TIAL1: variants seen among roughly 807,000 people sequenced by gnomAD.
TIAL1 encodes nucleolysin TIAR.
Under a neutral mutation model 59.7 loss-of-function variants are expected in TIAL1, and 7 were observed. The ratio of observed to expected loss-of-function variants is 0.12; its 90% CI spans 0.07 to 0.22. The LOEUF is 0.22. Among genes scored for constraint, TIAL1 ranks in the 10% least tolerant of loss-of-function variants. The pLI, the probability that TIAL1 is intolerant of heterozygous loss-of-function variation, is 1.00. For missense variants in TIAL1, 225 were observed against 462.5 expected (o/e 0.49, Z 4.71); for synonymous variants, 149 against 146.3 (o/e 1.02, Z -0.13).
intron 2 of TIAL1, among the ~76,000 whole-genome samples, chr10:119,584,444 A>G (rs1196583726): frequency 6.6e-5 from 10 of 152,192 alleles, no homozygotes; most frequent in Non-Finnish European, 1.2e-4. Context: ...AATGAAATTT[A>G]TGAAAGAAAA....
At chr10:119,585,550 C>T (rs1033647672) in intron 2 of TIAL1, among the ~76,000 whole-genome samples, 2 of 151,956 alleles carry the variant, frequency 1.3e-5, no homozygotes, top group Non-Finnish European at 2.9e-5. Context: ...AAATATGAGA[C>T]TTTACAAGCT....
intron 5 of TIAL1, 99 bp from the exon 6 acceptor site, chr10:119,580,109 T>C (rs1845233041): frequency 1.0e-6 from 1 of 988,180 alleles, no homozygotes; most frequent in South Asian, 1.7e-5. Context: ...ATTTTTAAAA[T>C]AAAATTCCAG....
rs1845361423 is a variant in TIAL1, at chr10:119,582,775, A to T, written c.130-218T>A. Among the ~76,000 whole-genome samples the T allele has an allele frequency of 6.6e-6, 1 of 152,202 alleles. No homozygotes were observed. The highest frequency in any genetic ancestry group is 1.5e-5 in the Non-Finnish European group (1 of 68,004). On this transcript the variant is annotated intron_variant, in intron 2 of 11. Transcript: ENST00000436547. This position sits in a 1 kb window ranked among gnomAD's most constrained non-coding sequence, Gnocchi z 5.1. ...CAAACGGAACTATAAAAGCAGTTGT[A>T]GAATCATGAGCATCAGTATTAAATG...
chr10:119,581,960 T>C lies in TIAL1; in HGVS notation c.333A>G (p.Glu111=), dbSNP rs1475437232. Residue 111 remains glutamate (E), a synonymous_variant, in exon 5 of 12, where the codon GAA becomes GAG. Transcript: ENST00000436547. ...VGDLSPEITT[E]DIKSAFAPFG... ...AGGGGGCAAATGCTGATTTGATATC[T>C]TCTGTTGTAATTTCTGGACTCAAAT... The C allele has an allele frequency of 8.1e-6, 13 of 1,613,526 alleles. No individual in the cohort carries two copies. The African/African-American group carries it at 1.7e-4, about 22-fold the overall frequency.
intron 1 of TIAL1, 66 bp downstream of exon 1, chr10:119,596,364 GCTCC>G: frequency 6.3e-7 from 1 of 1,575,602 alleles, no homozygotes; most frequent in Non-Finnish European, 8.7e-7. Context: ...AGTCTCTCCT[GCTCC>G]CTCCCTTAGC....
chr10:119,577,684 T>G lies in TIAL1; in HGVS notation c.609A>C (p.Lys203Asn), dbSNP rs781171258. ...FEDVVNQSSP[K>N]NCTVYCGGIA... is the part of the protein sequence containing the mutation. ...TTCCTCCACAGTACACAGTACAATT[T>G]TTTGGACTTGACTGGTTTACTACAT... Residue 203 changes from lysine to asparagine, a missense_variant, in exon 8 of 12, where the codon AAA (lysine) becomes AAC (asparagine). By Grantham distance (94) the Lys-to-Asn change is moderately conservative. Around this residue, in one of 4 missense-constraint regions of TIAL1, gnomAD observed 80 missense variants for 158.8 expected, o/e 0.50. Transcript: ENST00000436547. 3 of 1,614,186 alleles carry G rather than the reference T, an allele frequency of 1.9e-6. No individual in the cohort carries two copies.
At chr10:119,576,314 T>C (rs1844993381) in intron 11 of TIAL1, among the ~76,000 whole-genome samples, 1 of 151,448 alleles carries the variant, frequency 6.6e-6, no homozygotes, top group Non-Finnish European at 1.5e-5. Context: ...TGGACAAAGA[T>C]CTTTTACATG....
chr10:119,589,059 T>C (rs1481746208), intron 1 of TIAL1, among the ~76,000 whole-genome samples: 5 of 152,184 alleles, frequency 3.3e-5, no homozygotes, highest in Admixed American at 6.5e-5. Flanking sequence ...ATTAAAGTTA[T>C]AGTAAAACAT....
intron 1 of TIAL1, among the ~76,000 whole-genome samples, chr10:119,595,962 G>A (rs905070148): frequency 1.3e-5 from 2 of 151,974 alleles, no homozygotes; most frequent in African/African-American, 4.8e-5. Flanking sequence ...GAGAAGAGCT[G>A]GGAGCGACTC....
At chr10:119,587,610 A>G (rs1484866107) in intron 2 of TIAL1, among the ~76,000 whole-genome samples, 1 of 152,066 alleles carries the variant, frequency 6.6e-6, no homozygotes, top group Non-Finnish European at 1.5e-5. Flanking sequence ...TGCAGTATCT[A>G]GTACATAGGA....
At position 119,582,268 on chromosome 10, in the gene TIAL1, G is replaced by C. The variant is rs754422220; in HGVS notation, c.229-45C>G. ...TTAATAAAATTATTAGGCATGTCAT[G>C]AGTTACAACACTTACCACTTATTAA... On this transcript the variant is annotated intron_variant, in intron 3 of 11. Coordinates refer to ENST00000436547, the MANE Select transcript of TIAL1 (RefSeq NM_003252.4). This position sits in a 1 kb window ranked among gnomAD's most constrained non-coding sequence, Gnocchi z 5.1. 2 of 1,521,934 alleles carry C rather than the reference G, an allele frequency of 1.3e-6. No homozygotes were observed. Among genetic ancestry groups the C allele is most frequent in the Non-Finnish European group, 8.9e-7 (1 of 1,120,660 alleles). 94.3% of individuals were successfully genotyped at this position (1,521,934 alleles called of 1,614,324 possible).
At chr10:119,577,589 T>C (rs1269152819) in intron 8 of TIAL1, 52 bp downstream of exon 8, 4 of 1,607,864 alleles carry the variant, frequency 2.5e-6, no homozygotes, top group Non-Finnish European at 3.4e-6. Context: ...ATGAAATTCA[T>C]ATGAACAGTG....
chr10:119,577,022 G>T, intron 10 of TIAL1, 58 bp downstream of exon 10: 1 of 1,592,818 alleles, frequency 6.3e-7, no homozygotes, highest in Non-Finnish European at 8.5e-7. Flanking sequence ...AGTTTCCAAA[G>T]CTTTTATGTG....
intron 1 of TIAL1, among the ~76,000 whole-genome samples, chr10:119,588,567 C>T (rs1845689425): frequency 6.6e-6 from 1 of 152,182 alleles, no homozygotes; most frequent in African/African-American, 2.4e-5. Context: ...TGGTCTTGAA[C>T]TCCTGACCTC....
intron 1 of TIAL1, among the ~76,000 whole-genome samples, chr10:119,595,828 C>G (rs972946181): frequency 1.3e-5 from 2 of 152,164 alleles, no homozygotes; most frequent in Non-Finnish European, 2.9e-5. Flanking sequence ...CCCTTATGTA[C>G]TTCAAAAGTA....
Position 119,575,475 on chromosome 10 carries a change from G to C in TIAL1, c.*190C>G. 1 of 571,218 alleles carries C rather than the reference G, an allele frequency of 1.8e-6. No individual in the cohort carries two copies. The highest frequency in any genetic ancestry group is 2.9e-6 in the Non-Finnish European group (1 of 349,964). 35.4% of individuals were successfully genotyped at this position (571,218 alleles called of 1,614,324 possible). A position where few individuals can be genotyped will look rare whatever the true frequency, so the allele number is the denominator to read the frequency against. ...GAAAAATCATGTTCATATCCATCAT[G>C]AACAAAAACTTAAAAAGGCAGAACT... is the stretch of plus-strand genomic sequence containing the variant. On this transcript the variant is annotated 3_prime_UTR_variant, in exon 12 of 12. Transcript: ENST00000436547.
chr10:119,589,889 C>T (rs537643106), intron 1 of TIAL1, among the ~76,000 whole-genome samples: 22 of 152,214 alleles, frequency 1.4e-4, no homozygotes, highest in Middle Eastern at 3.4e-3. Context: ...TAACAAAGTT[C>T]ATTCTGGAAA....
chr10:119,595,437 TAAAA>T (rs3064561), intron 1 of TIAL1, among the ~76,000 whole-genome samples: 2 of 139,824 alleles, frequency 1.4e-5, no homozygotes, highest in African/African-American at 5.2e-5. Flanking sequence ...TATTCAGACT[TAAAA>T]AAAAAAAAAA....
intron 2 of TIAL1, among the ~76,000 whole-genome samples, chr10:119,585,606 G>A (rs991456745): frequency 6.6e-6 from 1 of 151,950 alleles, no homozygotes; most frequent in African/African-American, 2.4e-5. Context: ...AATTCATTTC[G>A]AGTCCCTCTA....
Sources: gnomAD v4.1 joint callset for allele counts (sites outside exome capture counted in the v4.1 genomes callset) on GRCh38, gnomAD v4.1.1 for gene constraint, gnomAD v4.1.1 regional missense constraint, Gnocchi (gnomAD v3.1) non-coding constraint, MANE v1.5 for transcripts, NCBI Gene and HGNC (gene_info 2026-07-23, HGNC 2026-07-21) for gene names.